MAST2: variants seen among roughly 807,000 people sequenced by gnomAD.
MAST2 encodes the protein microtubule associated serine/threonine kinase 2.
MAST2 carries 70 observed loss-of-function variants against 147.4 expected under a neutral mutation model. That is an observed-to-expected ratio of 0.47 (90% CI 0.39 to 0.58). The LOEUF (loss-of-function observed/expected upper bound fraction) is 0.58. Ranked by LOEUF, MAST2 falls within the 20% of genes least tolerant of loss-of-function variation. The pLI is 0.00. For synonymous variants in MAST2, 869 were observed against 896.8 expected, an observed-to-expected ratio of 0.97 and a Z score of 0.55; for missense variants, 2,080 against 2,302.3, an observed-to-expected ratio of 0.90 and a Z score of 1.98.
At chr1:45,806,199 C>T (rs1644136737) in intron 1 of MAST2, among the ~76,000 whole-genome samples, 1 of 152,150 alleles carries the variant, frequency 6.6e-6, no homozygotes, top group African/African-American at 2.4e-5. Context: ...ACAGATGTAA[C>T]CTCCCTCACC....
chr1:46,020,484 A>G (rs1646138903), intron 11 of MAST2, among the ~76,000 whole-genome samples: 1 of 152,074 alleles, frequency 6.6e-6, no homozygotes, highest in Admixed American at 6.5e-5. Flanking sequence ...GACACCAGAA[A>G]GTTTAGGTAA....
chr1:45,851,290 T>C (rs1030639804), intron 3 of MAST2, among the ~76,000 whole-genome samples: 5 of 152,198 alleles, frequency 3.3e-5, no homozygotes, highest in Non-Finnish European at 5.9e-5. Context: ...TACTGGTATA[T>C]AGAATTGCTA....
At chr1:45,863,412 C>T (rs1481341577) in intron 3 of MAST2, among the ~76,000 whole-genome samples, 1 of 152,158 alleles carries the variant, frequency 6.6e-6, no homozygotes, top group Non-Finnish European at 1.5e-5. Flanking sequence ...TTATTCAAAG[C>T]AGCAGATGGG....
intron 5 of MAST2, among the ~76,000 whole-genome samples, chr1:45,959,926 G>A (rs1191396983): frequency 4.6e-5 from 7 of 152,146 alleles, no homozygotes; most frequent in African/African-American, 1.7e-4. Context: ...AGCAAGAGGA[G>A]TATGTGTTTG....
In MAST2 at chr1:46,034,910, C is replaced by T. The variant is rs1646837984; in HGVS notation, c.4241C>T (p.Ala1414Val). 4 of 1,614,188 alleles carry T rather than the reference C, an allele frequency of 2.5e-6. No homozygotes were observed. Among genetic ancestry groups the T allele is most frequent in the Non-Finnish European group, 3.4e-6 (4 of 1,180,038 alleles). ...CAGTCGGCTGAGAAACTGGCAGCAG[C>T]ACTTGCCGCCTCTGAGAAGAAGCTA... ...RVQSAEKLAA[A>V]LAASEKKLAT... Residue 1414 changes from alanine (A) to valine (V), a missense_variant, in exon 29 of 29, where the codon GCA becomes GTA. This residue lies in a region of MAST2 where 1,278 missense variants were observed against 1,304.2 expected (regional missense o/e 0.98). Transcript: ENST00000361297.
intron 4 of MAST2, among the ~76,000 whole-genome samples, chr1:45,927,158 A>G (rs888536444): frequency 5.9e-5 from 9 of 152,200 alleles, no homozygotes; most frequent in African/African-American, 1.7e-4. Flanking sequence ...ACAGACATCA[A>G]GTACTTAACA....
chr1:45,862,487 A>ATTT (rs67344347), intron 3 of MAST2, among the ~76,000 whole-genome samples: 4,673 of 136,192 alleles, frequency 0.034, 299 homozygotes, highest in African/African-American at 0.12. Flanking sequence ...AGGACTGAAG[A>ATTT]TTTTTTTTTT....
intron 3 of MAST2, among the ~76,000 whole-genome samples, chr1:45,838,294 A>G (rs1362897058): frequency 7.1e-6 from 1 of 141,638 alleles, no homozygotes; most frequent in Non-Finnish European, 1.5e-5. Context: ...ATCTTGGCTC[A>G]CTGCAACCTC....
intron 6 of MAST2, among the ~76,000 whole-genome samples, chr1:45,998,730 CTTT>C (rs768359136): frequency 7.0e-6 from 1 of 143,220 alleles, no homozygotes. Context: ...ACTTAGACTA[CTTT>C]TTTTTTTTTT....
intron 4 of MAST2, among the ~76,000 whole-genome samples, chr1:45,898,125 G>A (rs1471055197): frequency 1.3e-5 from 2 of 151,524 alleles, no homozygotes; most frequent in African/African-American, 4.8e-5. Context: ...ACAAACAAAC[G>A]AAACCAAAAA....
chr1:45,979,429 G>GTTTTTTTT (rs10712066), intron 5 of MAST2, among the ~76,000 whole-genome samples: 1 of 143,144 alleles, frequency 7.0e-6, no homozygotes, highest in Non-Finnish European at 1.6e-5. Context: ...CAGATTTTTT[G>GTTTTTTTT]TTTTTTTTTT....
At chr1:45,996,735 A>T (rs1200790997) in intron 5 of MAST2, among the ~76,000 whole-genome samples, 3 of 152,154 alleles carry the variant, frequency 2.0e-5, no homozygotes, top group African/African-American at 7.2e-5. Context: ...GTATAAAAAG[A>T]CGTTAAGTGC....
At chr1:46,029,428 A>G (rs770405337) in intron 18 of MAST2, 38 bp from the exon 19 acceptor site, 4 of 1,554,968 alleles carry the variant, frequency 2.6e-6, no homozygotes, top group African/African-American at 1.4e-5. Flanking sequence ...CACTCTACCC[A>G]CAATTTCTCC....
intron 3 of MAST2, among the ~76,000 whole-genome samples, chr1:45,840,106 T>C (rs1030387100): frequency 1.3e-5 from 2 of 152,128 alleles, no homozygotes; most frequent in African/African-American, 4.8e-5. Context: ...GGAAAAAAAT[T>C]GGCTTTTATC....
intron 3 of MAST2, among the ~76,000 whole-genome samples, chr1:45,839,221 C>T (rs1002377447): frequency 7.9e-5 from 12 of 151,526 alleles, no homozygotes; most frequent in Admixed American, 3.3e-4. Context: ...CTCCGCCTCC[C>T]GGGTTCAAGT....
rs144997516 is a variant in MAST2 at position 45,875,422 on chromosome 1, G to A, written c.469-6942G>A. ...GATCGCGCCACTGCACTCCAGCCTG[G>A]GTGACAGAACGAGACTTCATCTCAA... On this transcript the variant is annotated intron_variant, in intron 3 of 28. Transcript: ENST00000361297. Among the ~76,000 whole-genome samples the A allele has an allele frequency of 6.6e-3, 1,009 of 152,162 alleles. 12 individuals carry two copies. Among genetic ancestry groups the A allele is most frequent in the African/African-American group, 0.023 (974 of 41,492 alleles).
intron 4 of MAST2, among the ~76,000 whole-genome samples, chr1:45,919,472 A>G (rs1023867532): frequency 5.9e-5 from 9 of 152,250 alleles, no homozygotes; most frequent in African/African-American, 9.6e-5. Flanking sequence ...GTAACCTGAA[A>G]AACTAAAAGT....
rs1645484573 is a variant in MAST2 at position 46,006,352 on chromosome 1, G to A, written c.859G>A (p.Gly287Arg). Reference protein sequence around the residue: ...FSTESVPDEEGRQSPAMRPRS... With the variant: ...FSTESVPDEERRQSPAMRPRS... ...CACAGAGAGCGTACCAGATGAGGAAGGACGGCAGTCCCCAGCCATGCGGCC... is the reference window on the plus strand; with the variant it reads ...CACAGAGAGCGTACCAGATGAGGAAAGACGGCAGTCCCCAGCCATGCGGCC... The change falls in exon 8 of 29, where the codon GGA (glycine) becomes AGA (arginine). Residue 287 changes from glycine (G) to arginine (R), a missense_variant. Coordinates refer to ENST00000361297, the MANE Select transcript of MAST2 (RefSeq NM_015112.3). 6.2e-7 allele frequency: 1 copy of A among 1,613,668 alleles called. No individual in the cohort carries two copies. Among genetic ancestry groups the A allele is most frequent in the Non-Finnish European group, 8.5e-7 (1 of 1,179,718 alleles).
chr1:45,973,589 G>C (rs901398498), intron 5 of MAST2, among the ~76,000 whole-genome samples: 1 of 152,166 alleles, frequency 6.6e-6, no homozygotes, highest in Admixed American at 6.5e-5. Context: ...TCTTAAATCT[G>C]TGTGTCTAGA....
Sources: gnomAD v4.1 joint callset for allele counts (sites outside exome capture counted in the v4.1 genomes callset) on GRCh38, gnomAD v4.1.1 for gene constraint, gnomAD v4.1.1 regional missense constraint, MANE v1.5 for transcripts, NCBI Gene and HGNC (gene_info 2026-07-23, HGNC 2026-07-21) for gene names.